SVEP1: variants seen among roughly 807,000 people sequenced by gnomAD.
SVEP1 encodes sushi, von Willebrand factor type A, EGF and pentraxin domain containing 1, also known as sushi, von Willebrand factor type A, EGF and pentraxin domain-containing protein 1.
In SVEP1, 164 loss-of-function variants were observed where a neutral mutation model predicts 367.3. The observed-to-expected ratio is 0.45, with a 90% confidence interval of 0.39 to 0.51. SVEP1 has a LOEUF of 0.51. Ranked by LOEUF, SVEP1 falls within the 20% of genes least tolerant of loss-of-function variation. The pLI is 0.00. For missense variants in SVEP1, 4,117 were observed against 4,425.3 expected (o/e 0.93, Z 1.98); for synonymous variants, 1,666 against 1,611.6 (o/e 1.03, Z -0.81).
In SVEP1 at chr9:110,401,311, A is replaced by G. The variant is rs1827857076; in HGVS notation, c.9667-302T>C. 2.0e-5 allele frequency among the ~76,000 whole-genome samples: 3 copies of G among 152,216 alleles called. No individual in the cohort carries two copies. The South Asian group carries it at 6.2e-4, about 32-fold the overall frequency. ...GCAACAAGAAATATATTTTCATTAT[A>G]ATGCACGAGAACTGGAGGTTAATAC... is the stretch of plus-strand genomic sequence containing the variant. On this transcript the variant is annotated intron_variant, in intron 39 of 47. Coordinates refer to ENST00000374469, the MANE Select transcript of SVEP1 (RefSeq NM_153366.4).
At chr9:110,390,460 A>G (rs1304981434) in intron 40 of SVEP1, among the ~76,000 whole-genome samples, 4 of 149,318 alleles carry the variant, frequency 2.7e-5, no homozygotes, top group African/African-American at 7.5e-5. Context: ...CTCCATATAT[A>G]TCTTGGTAAT....
At chr9:110,571,976 A>G (rs1439580973) in intron 1 of SVEP1, among the ~76,000 whole-genome samples, 1 of 152,238 alleles carries the variant, frequency 6.6e-6, no homozygotes, top group African/African-American at 2.4e-5. Flanking sequence ...TGAATATTTT[A>G]CAGCCATCGT....
chr9:110,388,520 A>ATCT (rs1174043324), intron 41 of SVEP1, among the ~76,000 whole-genome samples: 48 of 152,292 alleles, frequency 3.2e-4, no homozygotes, highest in Non-Finnish European at 5.6e-4. Context: ...TTTCAGTATT[A>ATCT]TATTAAAAAT....
At chr9:110,529,091 G>C (rs1448158390) in intron 3 of SVEP1, among the ~76,000 whole-genome samples, 1 of 151,796 alleles carries the variant, frequency 6.6e-6, no homozygotes, top group African/African-American at 2.4e-5. Context: ...TCTTCTACAT[G>C]TGGCTATCCA....
chr9:110,387,873 G>A (rs1827550270), intron 41 of SVEP1, among the ~76,000 whole-genome samples: 1 of 152,154 alleles, frequency 6.6e-6, no homozygotes, highest in Admixed American at 6.5e-5. Flanking sequence ...TTCAGTATCA[G>A]ATAAATAACA....
intron 39 of SVEP1, among the ~76,000 whole-genome samples, chr9:110,401,495 A>C (rs1827860342): frequency 6.6e-6 from 1 of 150,852 alleles, no homozygotes; most frequent in South Asian, 2.1e-4. Flanking sequence ...AAAACATTTT[A>C]TCACATATTT....
At chr9:110,528,146 GTGTGTGTGTGTATA>G (rs1564168125) in intron 3 of SVEP1, among the ~76,000 whole-genome samples, 1 of 36,586 alleles carries the variant, frequency 2.7e-5, no homozygotes, top group Non-Finnish European at 6.9e-5. Flanking sequence ...GTGTGTGTGT[GTGTGTGTGTGTATA>G]TATATATATA....
At chr9:110,431,658 G>A (rs969087560) in intron 32 of SVEP1, among the ~76,000 whole-genome samples, 2 of 152,180 alleles carry the variant, frequency 1.3e-5, no homozygotes, top group South Asian at 2.1e-4. Flanking sequence ...CTATGTAGAC[G>A]TTTCAACATT....
intron 3 of SVEP1, among the ~76,000 whole-genome samples, chr9:110,524,713 A>ATTT (rs1376709559): frequency 6.8e-6 from 1 of 146,650 alleles, no homozygotes; most frequent in Non-Finnish European, 1.5e-5. Context: ...TATTATTATT[A>ATTT]TTACTTTTTT....
intron 20 of SVEP1, 64 bp from the exon 21 acceptor site, chr9:110,457,416 A>G: frequency 7.6e-7 from 1 of 1,315,938 alleles, no homozygotes; most frequent in Non-Finnish European, 1.1e-6. Context: ...AGCAGTCCTG[A>G]TTAGAGTCAG....
intron 8 of SVEP1, among the ~76,000 whole-genome samples, chr9:110,495,456 CAT>C (rs1019575523): frequency 9.2e-5 from 14 of 152,180 alleles, no homozygotes; most frequent in African/African-American, 3.4e-4. Context: ...AAATATCACA[CAT>C]GAGAGACTGT....
chr9:110,381,485 C>G (rs1452899475), intron 43 of SVEP1, among the ~76,000 whole-genome samples: 2 of 152,132 alleles, frequency 1.3e-5, no homozygotes, highest in Admixed American at 1.3e-4. Context: ...TGTTCAATTT[C>G]CACGTAGTTG....
chr9:110,407,404 C>G lies in SVEP1; in HGVS notation c.8196G>C (p.Glu2732Asp). The G allele has an allele frequency of 6.2e-7, 1 of 1,613,998 alleles. No homozygotes were observed. Among genetic ancestry groups the G allele is most frequent in the South Asian group, 1.1e-5 (1 of 91,082 alleles). ...APENGFLRFT[E>D]TSMGSAVQYS... The stretch of plus-strand genomic sequence containing the variant: ...ACTGCACAGCACTTCCCATGCTAGT[C>G]TCTGTAAAACGCAAAAAGCCATTTT... Residue 2732 changes from glutamate (E) to aspartate (D), a missense_variant, in exon 38 of 48, where the codon GAG becomes GAC. Physicochemically the swap from Glu to Asp is conservative, Grantham distance 45 (BLOSUM62 2). This residue lies in a region of SVEP1 where 1,765 missense variants were observed against 1,781.1 expected (regional missense o/e 0.99). Transcript: ENST00000374469.
At chr9:110,490,887 A>C (rs551443682) in intron 8 of SVEP1, among the ~76,000 whole-genome samples, 2 of 152,018 alleles carry the variant, frequency 1.3e-5, no homozygotes, top group African/African-American at 4.8e-5. Context: ...TTGTATGTTT[A>C]TTTTCTTCAT....
chr9:110,395,268 G>A (rs1827739431), intron 40 of SVEP1, among the ~76,000 whole-genome samples: 1 of 152,122 alleles, frequency 6.6e-6, no homozygotes, highest in Non-Finnish European at 1.5e-5. Flanking sequence ...CATAAGTGAA[G>A]GAGAAATAAA....
chr9:110,502,392 T>C (rs1423378303), intron 6 of SVEP1, among the ~76,000 whole-genome samples: 1 of 152,058 alleles, frequency 6.6e-6, no homozygotes, highest in Non-Finnish European at 1.5e-5. Context: ...GTGAGCCACC[T>C]TGCCCGGCCA....
At chr9:110,396,564 G>A (rs1477285533) in intron 40 of SVEP1, among the ~76,000 whole-genome samples, 1 of 151,406 alleles carries the variant, frequency 6.6e-6, no homozygotes, top group Non-Finnish European at 1.5e-5. Flanking sequence ...CCAGGAGCTG[G>A]CTTTTTGAAA....
intron 27 of SVEP1, among the ~76,000 whole-genome samples, chr9:110,437,425 C>A (rs1828447209): frequency 6.6e-6 from 1 of 152,204 alleles, no homozygotes; most frequent in Admixed American, 6.5e-5. Context: ...ACCATGCTCA[C>A]ACCTTTGAAA....
At position 110,460,187 on chromosome 9, in the gene SVEP1, A is replaced by C. The variant is rs1452925250; in HGVS notation, c.3323-1074T>G. The stretch of plus-strand genomic sequence containing the variant: ...TTTGACACAATTATTTTTCAGAAAG[A>C]TGGTTTAAAATGTATAAATATTTGG... On this transcript the variant is annotated intron_variant, in intron 18 of 47. Coordinates refer to ENST00000374469, the MANE Select transcript of SVEP1 (RefSeq NM_153366.4). Among the ~76,000 whole-genome samples the C allele has an allele frequency of 2.0e-5, 3 of 152,186 alleles. No homozygotes were observed. In the South Asian group the frequency reaches 6.2e-4, roughly 32 times the overall value.
Sources: allele counts gnomAD v4.1 joint callset (sites outside exome capture counted in the v4.1 genomes callset), GRCh38; gene constraint gnomAD v4.1.1; regional missense constraint gnomAD v4.1.1; transcripts MANE v1.5; gene names NCBI Gene and HGNC (gene_info 2026-07-23, HGNC 2026-07-21).